Variants in HHAT observed in about 807,000 individuals in gnomAD.
HHAT encodes the protein hedgehog acyltransferase.
HHAT carries 47 observed loss-of-function variants against 70.8 expected under a neutral mutation model. The ratio of observed to expected loss-of-function variants is 0.66; its 90% CI spans 0.53 to 0.85. The LOEUF (loss-of-function observed/expected upper bound fraction) is 0.85. Ranked by LOEUF, HHAT falls within the 40% of genes least tolerant of loss-of-function variation. The pLI is 0.00. For missense variants in HHAT, 609 were observed against 604.8 expected, an observed-to-expected ratio of 1.01 and a Z score of -0.07; for synonymous variants, 228 against 247.6, an observed-to-expected ratio of 0.92 and a Z score of 0.74.
chr1:210,642,823 C>T (rs1177618036), intron 11 of HHAT, among the ~76,000 whole-genome samples: 2 of 152,022 alleles, frequency 1.3e-5, no homozygotes, highest in African/African-American at 4.8e-5. Context: ...ATGATGTTTT[C>T]TGAGGGACAA....
intron 10 of HHAT, among the ~76,000 whole-genome samples, chr1:210,597,252 C>T (rs1026483944): frequency 6.6e-6 from 1 of 152,206 alleles, no homozygotes; most frequent in African/African-American, 2.4e-5. Context: ...TGGGCCACCA[C>T]TACTGGGACT....
chr1:210,481,276 A>G (rs188008664), intron 8 of HHAT, among the ~76,000 whole-genome samples: 82 of 152,294 alleles, frequency 5.4e-4, no homozygotes, highest in Non-Finnish European at 1.1e-3. Flanking sequence ...CTTCTCATCA[A>G]CTGATAATAC....
chr1:210,415,939 G>A (rs1311871831), intron 6 of HHAT, among the ~76,000 whole-genome samples: 2 of 152,046 alleles, frequency 1.3e-5, no homozygotes, highest in Non-Finnish European at 2.9e-5. Flanking sequence ...GATTATAGAT[G>A]TGAGCCACCG....
chr1:210,397,840 A>G (rs2091876381), intron 4 of HHAT, among the ~76,000 whole-genome samples: 1 of 152,152 alleles, frequency 6.6e-6, no homozygotes, highest in Non-Finnish European at 1.5e-5. Flanking sequence ...AACCCTCTTC[A>G]TAGTGCTTGA....
intron 10 of HHAT, among the ~76,000 whole-genome samples, chr1:210,598,500 A>C (rs1465053751): frequency 2.6e-5 from 4 of 152,276 alleles, no homozygotes; most frequent in Non-Finnish European, 5.9e-5. Context: ...CTGGAATCTA[A>C]GTTCTGACCA....
intron 9 of HHAT, among the ~76,000 whole-genome samples, chr1:210,584,149 C>G (rs551438721): frequency 6.6e-6 from 1 of 151,762 alleles, no homozygotes; most frequent in South Asian, 2.1e-4. Flanking sequence ...ACCACGTTGG[C>G]CAGGCTGGTC....
At chr1:210,374,033 AGTTAACTGTCTTTGCAAGTTCT>A (rs1437913157) in intron 3 of HHAT, 2 of 152,254 alleles carry the variant, frequency 1.3e-5, no homozygotes, top group Non-Finnish European at 2.9e-5. Flanking sequence ...GGAAAACAAG[AGTTAACTGTCTTTGCAAGTTCT>A]GTTACACAAT....
At chr1:210,494,569 T>TTG (rs2094603485) in intron 8 of HHAT, among the ~76,000 whole-genome samples, 1 of 122,622 alleles carries the variant, frequency 8.2e-6, no homozygotes, top group Non-Finnish European at 1.7e-5. Flanking sequence ...TTTTTTTTTT[T>TTG]GAGACAGAGT....
At chr1:210,577,040 G>A (rs1174401503) in intron 9 of HHAT, among the ~76,000 whole-genome samples, 1 of 146,632 alleles carries the variant, frequency 6.8e-6, no homozygotes, top group African/African-American at 2.5e-5. Context: ...TGTTACTTTT[G>A]TATCCTCTGA....
intron 8 of HHAT, among the ~76,000 whole-genome samples, chr1:210,490,283 C>A (rs1316226141): frequency 6.6e-6 from 1 of 152,162 alleles, no homozygotes; most frequent in Non-Finnish European, 1.5e-5. Flanking sequence ...ATAACTCTGG[C>A]CTTTAACACA....
Position 210,404,663 on chromosome 1 carries a change from C to T in HHAT, c.668C>T (p.Ser223Leu), listed in dbSNP as rs767486877. Reference protein sequence around the residue: ...VLHNGPILSFSEFIKQMQQQE... With the variant: ...VLHNGPILSFLEFIKQMQQQE... ...CACAATGGGCCCATCCTCAGCTTCT[C>T]GGAGTTCATCAAACAGGTAGAGCCC... Residue 223 changes from serine to leucine, a missense_variant, in exon 6 of 12, where the codon TCG (serine) becomes TTG (leucine). Ser to Leu is a moderately radical substitution (Grantham distance 145). Transcript: ENST00000261458. 1.2e-5 allele frequency: 19 copies of T among 1,613,620 alleles called. No individual in the cohort carries two copies. Among genetic ancestry groups the T allele is most frequent in the South Asian group, 1.1e-4 (10 of 91,058 alleles).
intron 8 of HHAT, 90 bp from the exon 9 acceptor site, chr1:210,513,063 T>G: frequency 1.3e-6 from 1 of 786,896 alleles, no homozygotes; most frequent in East Asian, 2.7e-5. Context: ...TTAGTCATAC[T>G]ATGAATTTAA....
chr1:210,611,489 C>G (rs556094545), intron 10 of HHAT, among the ~76,000 whole-genome samples: 3 of 152,144 alleles, frequency 2.0e-5, no homozygotes, highest in South Asian at 4.2e-4. Flanking sequence ...TATTTGAATG[C>G]GCTTTATTTA....
chr1:210,637,873 G>GAAA, intron 11 of HHAT, among the ~76,000 whole-genome samples: 2 of 123,378 alleles, frequency 1.6e-5, no homozygotes, highest in Non-Finnish European at 3.6e-5. Flanking sequence ...AAAAAAAAAG[G>GAAA]GGGGGGCAAA....
chr1:210,611,453 A>G (rs1010978920), intron 10 of HHAT, among the ~76,000 whole-genome samples: 1 of 152,144 alleles, frequency 6.6e-6, no homozygotes, highest in Non-Finnish European at 1.5e-5. Context: ...TGTCATCTCC[A>G]AAGATAATTT....
At chr1:210,661,507 T>C (rs1387353163) in intron 11 of HHAT, among the ~76,000 whole-genome samples, 1 of 152,208 alleles carries the variant, frequency 6.6e-6, no homozygotes, top group Non-Finnish European at 1.5e-5. Flanking sequence ...TCCTCAAGGA[T>C]CTAGAACTAG....
intron 3 of HHAT, chr1:210,374,326 G>A (rs1050657095): frequency 2.0e-5 from 3 of 152,182 alleles, no homozygotes; most frequent in Non-Finnish European, 4.4e-5. Flanking sequence ...GTACGCCGAT[G>A]GTGCCTACAG....
intron 8 of HHAT, among the ~76,000 whole-genome samples, chr1:210,497,977 G>T (rs554507564): frequency 2.1e-4 from 32 of 151,734 alleles, no homozygotes; most frequent in Non-Finnish European, 5.9e-5. Context: ...GGATGGTCTC[G>T]ATCTCTTGAC....
chr1:210,485,029 G>A (rs952743552), intron 8 of HHAT, among the ~76,000 whole-genome samples: 4 of 152,158 alleles, frequency 2.6e-5, no homozygotes, highest in Non-Finnish European at 5.9e-5. Flanking sequence ...AGAGGTTCAT[G>A]GGGTCTCTTT....
Sources: gnomAD v4.1 joint callset for allele counts (sites outside exome capture counted in the v4.1 genomes callset) on GRCh38, gnomAD v4.1.1 for gene constraint, MANE v1.5 for transcripts, NCBI Gene and HGNC (gene_info 2026-07-23, HGNC 2026-07-21) for gene names.